CNTN4: variants seen among roughly 807,000 people sequenced by gnomAD.
CNTN4 encodes the protein contactin 4, also known as contactin-4.
Under a neutral mutation model 122.5 loss-of-function variants are expected in CNTN4, and 77 were observed. That is an observed-to-expected ratio of 0.63 (90% CI 0.52 to 0.76). The LOEUF (loss-of-function observed/expected upper bound fraction) is 0.76. Among genes scored for constraint, CNTN4 ranks in the 30% least tolerant of loss-of-function variants. The probability of loss-of-function intolerance (pLI) is 0.00; values close to 1 mark genes in which losing one functional copy is unlikely to be tolerated. For missense variants in CNTN4, 1,256 were observed against 1,259.1 expected (o/e 1.00, Z 0.04); for synonymous variants, 512 against 447.0 (o/e 1.15, Z -1.83).
chr3:2,521,343 T>TCGGGGCCCCCCCC, intron 3 of CNTN4, among the ~76,000 whole-genome samples: 1 of 128,370 alleles, frequency 7.8e-6, no homozygotes, highest in Admixed American at 8.1e-5. Context: ...CCTCTACCCA[T>TCGGGGCCCCCCCC]CCCCCCCACC....
intron 4 of CNTN4, among the ~76,000 whole-genome samples, chr3:2,733,863 A>C (rs1359946808): frequency 6.6e-6 from 1 of 151,740 alleles, no homozygotes; most frequent in African/African-American, 2.4e-5. Flanking sequence ...CCATGATTTT[A>C]TTTTGTGTGC....
At chr3:2,189,835 C>T (rs189512806) in intron 2 of CNTN4, among the ~76,000 whole-genome samples, 26 of 152,290 alleles carry the variant, frequency 1.7e-4, no homozygotes, top group African/African-American at 6.0e-4. Context: ...GTTACTCTCT[C>T]GTCAGTAGCC....
chr3:2,123,320 G>A (rs2033917523), intron 2 of CNTN4, among the ~76,000 whole-genome samples: 1 of 152,214 alleles, frequency 6.6e-6, no homozygotes, highest in Non-Finnish European at 1.5e-5. Context: ...AATTGGCAGA[G>A]CTATCTCCCT....
intron 14 of CNTN4, among the ~76,000 whole-genome samples, chr3:3,019,763 CAA>C (rs1346067457): frequency 3.4e-5 from 2 of 58,474 alleles, no homozygotes; most frequent in African/African-American, 1.2e-4. Context: ...TGTGTGTACA[CAA>C]ATATATATAT....
Position 2,853,145 on chromosome 3 carries a change from T to G in CNTN4, c.455-13607T>G, listed in dbSNP as rs116918647. 2.4e-4 allele frequency among the ~76,000 whole-genome samples: 37 copies of G among 151,990 alleles called. No homozygotes were observed. In the East Asian group the frequency reaches 5.8e-3, roughly 24 times the overall value. ...GAAATGACAAGGGTTTATATTATAT[T>G]AAGAAATTTTTCAGATACTTTTTAT... On this transcript the variant is annotated intron_variant, in intron 7 of 24. Transcript: ENST00000418658.
At chr3:2,812,581 T>G (rs2092639571) in intron 6 of CNTN4, among the ~76,000 whole-genome samples, 2 of 152,026 alleles carry the variant, frequency 1.3e-5, no homozygotes, top group South Asian at 2.1e-4. Flanking sequence ...TGTTTTTTTG[T>G]TTTTTTGCCA....
intron 2 of CNTN4, among the ~76,000 whole-genome samples, chr3:2,273,289 G>A (rs879699676): frequency 2.6e-5 from 4 of 152,214 alleles, no homozygotes; most frequent in East Asian, 1.9e-4. Context: ...TTGACCCCAC[G>A]TGTAACTTTT....
At chr3:2,102,006 C>T (rs1311909987) in intron 2 of CNTN4, among the ~76,000 whole-genome samples, 1 of 152,154 alleles carries the variant, frequency 6.6e-6, no homozygotes, top group African/African-American at 2.4e-5. Flanking sequence ...ATAGATTAAG[C>T]ACACTTGTTT....
chr3:2,130,691 G>T (rs1414643933), intron 2 of CNTN4, among the ~76,000 whole-genome samples: 2 of 152,128 alleles, frequency 1.3e-5, no homozygotes, highest in African/African-American at 4.8e-5. Context: ...CAAGTTTTGT[G>T]GGATCCCTAG....
chr3:2,827,914 A>G (rs2093021434), intron 7 of CNTN4, among the ~76,000 whole-genome samples: 1 of 152,154 alleles, frequency 6.6e-6, no homozygotes, highest in Admixed American at 6.6e-5. Context: ...ATGGCAGCTT[A>G]AAAAAAGCAA....
At chr3:2,309,732 C>A (rs1347261569) in intron 2 of CNTN4, among the ~76,000 whole-genome samples, 1 of 152,024 alleles carries the variant, frequency 6.6e-6, no homozygotes, top group African/African-American at 2.4e-5. Context: ...ATGTTGACAA[C>A]TAATAGAGTT....
chr3:2,164,702 C>T (rs2036120687), intron 2 of CNTN4, among the ~76,000 whole-genome samples: 1 of 152,102 alleles, frequency 6.6e-6, no homozygotes, highest in Non-Finnish European at 1.5e-5. Flanking sequence ...ACAGAAAATG[C>T]TAGTGGACAA....
chr3:2,356,609 T>C (rs1018177621), intron 3 of CNTN4, among the ~76,000 whole-genome samples: 1 of 152,208 alleles, frequency 6.6e-6, no homozygotes, highest in African/African-American at 2.4e-5. Context: ...CAGCAAAGTC[T>C]TTCTGACCTG....
intron 3 of CNTN4, among the ~76,000 whole-genome samples, chr3:2,462,186 A>C (rs1175544641): frequency 6.6e-6 from 1 of 152,212 alleles, no homozygotes; most frequent in South Asian, 2.1e-4. Flanking sequence ...GGCATCCAGC[A>C]AAAGATTTCC....
rs1312148788 is a variant in CNTN4 at position 2,866,606 on chromosome 3, G to A, written c.455-146G>A. On this transcript the variant is annotated intron_variant, in intron 7 of 24. Coordinates refer to ENST00000418658, the MANE Select transcript of CNTN4 (RefSeq NM_175607.3). ...CTGGTAAAATGCCACGGGGGACTGT[G>A]ATTACTTCCTATCTGTATTTAGTGG... is the stretch of plus-strand genomic sequence containing the variant. 1.3e-5 allele frequency: 14 copies of A among 1,110,462 alleles called. No individual in the cohort carries two copies. In the African/African-American group the frequency reaches 2.2e-4, roughly 17 times the overall value. 68.8% of individuals were successfully genotyped at this position (1,110,462 alleles called of 1,614,324 possible).
chr3:2,481,752 T>C (rs1035092797), intron 3 of CNTN4, among the ~76,000 whole-genome samples: 1 of 152,112 alleles, frequency 6.6e-6, no homozygotes, highest in African/African-American at 2.4e-5. Flanking sequence ...TCCTATGCTG[T>C]TCTCATGTTA....
At chr3:2,702,172 C>T (rs907872123) in intron 4 of CNTN4, among the ~76,000 whole-genome samples, 2 of 152,140 alleles carry the variant, frequency 1.3e-5, no homozygotes, top group African/African-American at 4.8e-5. Flanking sequence ...GAAGATGTGC[C>T]AGTGGCCACC....
At chr3:2,759,845 A>G (rs930103908) in intron 6 of CNTN4, among the ~76,000 whole-genome samples, 1 of 152,112 alleles carries the variant, frequency 6.6e-6, no homozygotes, top group African/African-American at 2.4e-5. Flanking sequence ...AGCACTTGCT[A>G]TTGTTGGCTT....
chr3:2,164,320 CTGAG>C (rs1425070671), intron 2 of CNTN4, among the ~76,000 whole-genome samples: 1 of 151,696 alleles, frequency 6.6e-6, no homozygotes, highest in Non-Finnish European at 1.5e-5. Context: ...AACTGGAAGG[CTGAG>C]AAAATTCGCA....
Sources: gnomAD v4.1 joint callset for allele counts (sites outside exome capture counted in the v4.1 genomes callset) on GRCh38, gnomAD v4.1.1 for gene constraint, MANE v1.5 for transcripts, NCBI Gene and HGNC (gene_info 2026-07-23, HGNC 2026-07-21) for gene names.